The following MLLT10 variants were observed in gnomAD, a reference collection of about 807,000 sequenced individuals.
MLLT10 encodes the protein protein AF-10.
A neutral mutation model predicts 129.1 loss-of-function variants in MLLT10; 30 were observed. That is an observed-to-expected ratio of 0.23 (90% CI 0.17 to 0.32). The LOEUF is 0.32. Ranked by LOEUF, MLLT10 falls within the 10% of genes least tolerant of loss-of-function variation. The pLI is 1.00. For missense variants in MLLT10, 1,119 were observed against 1,268.3 expected, an observed-to-expected ratio of 0.88 and a Z score of 1.79; for synonymous variants, 490 against 446.4, an observed-to-expected ratio of 1.10 and a Z score of -1.23.
chr10:21,683,718 C>A (rs2052987375), intron 13 of MLLT10, among the ~76,000 whole-genome samples: 1 of 151,380 alleles, frequency 6.6e-6, no homozygotes, highest in South Asian at 2.1e-4. Flanking sequence ...CAACAGTTAG[C>A]TTTTCTTTCG....
In MLLT10 at chr10:21,730,947, G is replaced by A; in HGVS notation, c.2111G>A (p.Ser704Asn). The change falls in exon 17 of 23, where the codon AGC becomes AAC. Residue 704 changes from serine to asparagine, a missense_variant. By Grantham distance (46) the Ser-to-Asn change is conservative. This residue lies in a region of MLLT10 where 1,004 missense variants were observed against 1,008.7 expected (regional missense o/e 1.00). Transcript: ENST00000307729. ...LQIRYDQPGN[S>N]SLENLPPVAA... is the part of the protein sequence containing the mutation. ...ATTCGCTATGATCAACCAGGCAACA[G>A]CAGTTTGGAAAATCTGCCTCCAGTA... 1 of 1,614,192 alleles carries A rather than the reference G, an allele frequency of 6.2e-7. No individual in the cohort carries two copies. The highest frequency in any genetic ancestry group is 8.5e-7 in the Non-Finnish European group (1 of 1,180,024).
intron 8 of MLLT10, among the ~76,000 whole-genome samples, chr10:21,646,066 A>G (rs772654686): frequency 6.6e-6 from 1 of 152,118 alleles, no homozygotes; most frequent in Admixed American, 6.5e-5. Flanking sequence ...TTAGCCAGAC[A>G]TGGTGGTACA....
intron 10 of MLLT10, 32 bp from the exon 11 acceptor site, chr10:21,673,318 C>CGAATTT: frequency 3.3e-6 from 1 of 307,342 alleles, no homozygotes; most frequent in Non-Finnish European, 5.0e-6. Flanking sequence ...CACCCCCCAA[C>CGAATTT]TTTTTTTTTT....
At position 21,726,346 on chromosome 10, in the gene MLLT10, A is replaced by T. The variant is rs1005341420; in HGVS notation, c.1981A>T (p.Asn661Tyr). The T allele has an allele frequency of 6.2e-7, 1 of 1,605,472 alleles. No homozygotes were observed. The highest frequency in any genetic ancestry group is 8.5e-7 in the Non-Finnish European group (1 of 1,172,954). ...MAALIAQSENNQTDQDLGDNS... is the reference protein window; with the variant it reads ...MAALIAQSENYQTDQDLGDNS... The stretch of plus-strand genomic sequence containing the variant: ...AGCTCTTATAGCTCAGTCTGAAAAC[A>T]ATCAAACAGGTAAGTTTTCAAGAAT... Residue 661 changes from asparagine (N) to tyrosine (Y), a missense_variant, in exon 15 of 23, where the codon AAT (asparagine) becomes TAT (tyrosine). By Grantham distance (143) the Asn-to-Tyr change is moderately radical. Transcript: ENST00000307729.
At chr10:21,723,623 A>G (rs1174941544) in intron 14 of MLLT10, among the ~76,000 whole-genome samples, 1 of 152,162 alleles carries the variant, frequency 6.6e-6, no homozygotes, top group Admixed American at 6.5e-5. Flanking sequence ...TTCTTGGAGG[A>G]CCACCGTATC....
intron 13 of MLLT10, among the ~76,000 whole-genome samples, chr10:21,690,525 T>TTTA (rs1189863320): frequency 2.6e-5 from 4 of 152,136 alleles, no homozygotes; most frequent in African/African-American, 9.6e-5. Context: ...GCTTTAATGA[T>TTTA]TAAATAAGAG....
chr10:21,652,898 A>G (rs1018393867), intron 9 of MLLT10, among the ~76,000 whole-genome samples: 3 of 152,182 alleles, frequency 2.0e-5, no homozygotes, highest in African/African-American at 4.8e-5. Context: ...TACAAAGCCC[A>G]CCTGACTTTC....
At chr10:21,691,620 T>C (rs1335739248) in intron 13 of MLLT10, among the ~76,000 whole-genome samples, 1 of 152,134 alleles carries the variant, frequency 6.6e-6, no homozygotes, top group Non-Finnish European at 1.5e-5. Context: ...ATTAGGTCTT[T>C]TATGGAACTG....
At chr10:21,601,012 C>T (rs1005201733) in intron 5 of MLLT10, among the ~76,000 whole-genome samples, 1 of 152,144 alleles carries the variant, frequency 6.6e-6, no homozygotes, top group African/African-American at 2.4e-5. Context: ...GGTGCAATTA[C>T]AGCTCACTGT....
chr10:21,643,197 T>G (rs1716145213), intron 8 of MLLT10, among the ~76,000 whole-genome samples: 1 of 152,154 alleles, frequency 6.6e-6, no homozygotes, highest in Non-Finnish European at 1.5e-5. Context: ...CATGCCCAGC[T>G]AATTTCAGTA....
chr10:21,696,468 G>A (rs1300631888), intron 13 of MLLT10, among the ~76,000 whole-genome samples: 1 of 152,054 alleles, frequency 6.6e-6, no homozygotes, highest in African/African-American at 2.4e-5. Flanking sequence ...ACTTCTTAGT[G>A]GCCTCTACAA....
At chr10:21,551,319 A>G (rs985649395) in intron 3 of MLLT10, among the ~76,000 whole-genome samples, 30 of 124,406 alleles carry the variant, frequency 2.4e-4, no homozygotes, top group Admixed American at 5.9e-4. Context: ...TTTTTTTTAC[A>G]TAACACAAAT....
At chr10:21,679,463 T>C (rs2052523164) in intron 11 of MLLT10, among the ~76,000 whole-genome samples, 1 of 152,234 alleles carries the variant, frequency 6.6e-6, no homozygotes, top group Non-Finnish European at 1.5e-5. Context: ...TTATTTTCTC[T>C]GAGAAAAGTC....
At chr10:21,715,009 C>T (rs2056429017) in intron 14 of MLLT10, among the ~76,000 whole-genome samples, 2 of 151,324 alleles carry the variant, frequency 1.3e-5, no homozygotes, top group Non-Finnish European at 2.9e-5. Context: ...ATTTTATTTT[C>T]ATTTCTCCAA....
At chr10:21,739,966 G>A (rs2058695947) in intron 21 of MLLT10, 64 bp from the exon 22 acceptor site, 2 of 1,277,232 alleles carry the variant, frequency 1.6e-6, no homozygotes, top group Non-Finnish European at 2.2e-6. Flanking sequence ...ACATAAGGCA[G>A]CTCATCTGAC....
At position 21,670,712 on chromosome 10, in the gene MLLT10, T is replaced by C; in HGVS notation, c.1051+8T>C. 2 of 1,603,960 alleles carry C rather than the reference T, an allele frequency of 1.2e-6. No individual in the cohort carries two copies. The highest frequency in any genetic ancestry group is 1.7e-6 in the Non-Finnish European group (2 of 1,176,520). ...CTAGCCCTTTTCCTCAAGGTATTAG[T>C]GATGTTTTAGTTAAAATACTTGTGT... On this transcript the variant is annotated splice_region_variant and intron_variant, in intron 10 of 22. Transcript: ENST00000307729.
chr10:21,610,187 C>T (rs1164183517), intron 5 of MLLT10, among the ~76,000 whole-genome samples: 1 of 152,126 alleles, frequency 6.6e-6, no homozygotes, highest in Non-Finnish European at 1.5e-5. Flanking sequence ...TGGAACTTTC[C>T]ACTCTACTAA....
chr10:21,576,578 G>T (rs1476293543), intron 3 of MLLT10, among the ~76,000 whole-genome samples: 1 of 151,558 alleles, frequency 6.6e-6, no homozygotes, highest in African/African-American at 2.4e-5. Flanking sequence ...TTCACTTAAA[G>T]TGTGTTTCTT....
chr10:21,569,652 C>G lies in MLLT10; in HGVS notation c.241-16642C>G, dbSNP rs536741110. ...GCGAGGCTGGACTCGAATTCCTGAC[C>G]TCAGGTGATCTGCCCGCCTCAGGCT... On this transcript the variant is annotated intron_variant, in intron 3 of 22. Coordinates refer to ENST00000307729, the MANE Select transcript of MLLT10 (RefSeq NM_001195626.3). Among the ~76,000 whole-genome samples the G allele has an allele frequency of 1.6e-4, 25 of 152,170 alleles. No homozygotes were observed. In the South Asian group the frequency reaches 4.8e-3, roughly 29 times the overall value.
Sources: allele counts gnomAD v4.1 joint callset (sites outside exome capture counted in the v4.1 genomes callset), GRCh38; gene constraint gnomAD v4.1.1; regional missense constraint gnomAD v4.1.1; transcripts MANE v1.5; gene names NCBI Gene and HGNC (gene_info 2026-07-23, HGNC 2026-07-21).